ZNF257: variants seen among roughly 807,000 people sequenced by gnomAD.
ZNF257 encodes bone marrow zinc finger 4.
ZNF257 carries 12 observed loss-of-function variants against 11.9 expected under a neutral mutation model. The ratio of observed to expected loss-of-function variants is 1.01; its 90% confidence interval spans 0.65 to 1.63. The LOEUF is 1.63. Ranked by LOEUF, ZNF257 falls within the 40% of genes most tolerant of loss-of-function variation. The pLI, the probability that ZNF257 is intolerant of heterozygous loss-of-function variation, is 0.00. For missense variants in ZNF257, 580 were observed against 665.5 expected, an observed-to-expected ratio of 0.87 and a Z score of 1.41; for synonymous variants, 183 against 222.7, an observed-to-expected ratio of 0.82 and a Z score of 1.59.
chr19:22,086,497 T>A (rs772957577), intron 3 of ZNF257, among the ~76,000 whole-genome samples: 28 of 152,018 alleles, frequency 1.8e-4, no homozygotes, highest in Non-Finnish European at 3.4e-4. Context: ...TGTGTATGTA[T>A]GTTTCCCAGG....
rs1044012561 is a variant in ZNF257 at position 22,080,853 on chromosome 19, C to T, written c.227-7124C>T. Among the ~76,000 whole-genome samples the T allele has an allele frequency of 2.7e-5, 4 of 148,802 alleles. No individual in the cohort carries two copies. In the East Asian group the frequency reaches 5.9e-4, roughly 22 times the overall value. On this transcript the variant is annotated intron_variant, in intron 3 of 3. Coordinates refer to ENST00000594947, the MANE Select transcript of ZNF257 (RefSeq NM_033468.4). ...AGCTAGATAAGTATTTTATTAAATA[C>T]ATTAATTATATTATATATCTATATA...
rs375816659 is a variant in ZNF257 at position 22,088,073 on chromosome 19, A to G, written c.323A>G (p.His108Arg). The change falls in exon 4 of 4, where the codon CAT (histidine) becomes CGT (arginine). Residue 108 changes from histidine to arginine, a missense_variant. His to Arg is a conservative substitution (Grantham distance 29). Transcript: ENST00000594947. ...CTGAGGAGATATGATAAATGTGAAC[A>G]TGAGAATTTACAATTAAGAAAGGGC... ...VILRRYDKCE[H>R]ENLQLRKGCK... is the part of the protein sequence containing the mutation. 25 of 1,607,794 alleles carry G rather than the reference A, an allele frequency of 1.6e-5. No homozygotes were observed. The highest frequency in any genetic ancestry group is 3.3e-5 in the South Asian group (3 of 90,380).
At chr19:22,087,530 G>A (rs766020826) in intron 3 of ZNF257, 1 of 1,226,524 alleles carries the variant, frequency 8.2e-7, no homozygotes, top group Non-Finnish European at 1.0e-6. Context: ...TTTTTTTTCA[G>A]CATTTTATTT....
In ZNF257 at chr19:22,052,502, G is replaced by C; in HGVS notation, c.-131G>C. ...GGCGGGTACTTTGTCTCTCGCTCTA[G>C]CCCGAGCTGCAGGTCTCGTCTTCCC... On this transcript the variant is annotated 5_prime_UTR_variant, in exon 1 of 4. Coordinates refer to ENST00000594947, the MANE Select transcript of ZNF257 (RefSeq NM_033468.4). 2 of 1,092,732 alleles carry C rather than the reference G, an allele frequency of 1.8e-6. No homozygotes were observed. Among genetic ancestry groups the C allele is most frequent in the Non-Finnish European group, 2.7e-6 (2 of 737,580 alleles). 67.7% of individuals were successfully genotyped at this position (1,092,732 alleles called of 1,614,324 possible). A position where few individuals can be genotyped will look rare whatever the true frequency, so the allele number is the denominator to read the frequency against.
chr19:22,085,656 A>G (rs1460194879), intron 3 of ZNF257, among the ~76,000 whole-genome samples: 4 of 151,686 alleles, frequency 2.6e-5, no homozygotes, highest in Non-Finnish European at 4.4e-5. Context: ...TACCTTACAT[A>G]TTTGGAACCC....
At chr19:22,085,663 A>G (rs1202686929) in intron 3 of ZNF257, among the ~76,000 whole-genome samples, 1 of 123,628 alleles carries the variant, frequency 8.1e-6, no homozygotes, top group Non-Finnish European at 1.8e-5. Flanking sequence ...CATATTTGGA[A>G]CCCTAATGTG....
chr19:22,052,970 G>A (rs933052206), intron 1 of ZNF257, among the ~76,000 whole-genome samples: 2 of 152,068 alleles, frequency 1.3e-5, no homozygotes, highest in African/African-American at 2.4e-5. Context: ...CGGGGTGCGG[G>A]GTTCATGAAT....
intron 1 of ZNF257, among the ~76,000 whole-genome samples, chr19:22,053,853 A>T (rs1263260382): frequency 6.6e-6 from 1 of 151,938 alleles, no homozygotes; most frequent in African/African-American, 2.4e-5. Context: ...TGAACCCAGG[A>T]GGTGGAGGTT....
At chr19:22,059,458 T>A (rs2021733236) in intron 1 of ZNF257, among the ~76,000 whole-genome samples, 1 of 151,990 alleles carries the variant, frequency 6.6e-6, no homozygotes, top group African/African-American at 2.4e-5. Context: ...CAGCTAATTT[T>A]TGTATTTTTG....
intron 1 of ZNF257, among the ~76,000 whole-genome samples, chr19:22,058,948 T>C (rs2021719268): frequency 6.6e-6 from 1 of 152,062 alleles, no homozygotes; most frequent in Admixed American, 6.6e-5. Context: ...TCCTGGCATA[T>C]CCTCACCCCT....
At chr19:22,085,902 T>C (rs1240827446) in intron 3 of ZNF257, among the ~76,000 whole-genome samples, 4 of 152,272 alleles carry the variant, frequency 2.6e-5, no homozygotes, top group Non-Finnish European at 5.9e-5. Context: ...TTGGATAAAA[T>C]GCCTACAGCA....
rs758667495 is a variant in ZNF257 at position 22,088,973 on chromosome 19, CTT to C, written c.1226_1227del (p.Phe409Ter). 1 of 1,611,546 alleles carries C rather than the reference CTT, an allele frequency of 6.2e-7. No homozygotes were observed. Among genetic ancestry groups the C allele is most frequent in the South Asian group, 1.1e-5 (1 of 90,938 alleles). On this transcript the variant is annotated frameshift_variant, in exon 4 of 4. Transcript: ENST00000594947. LOFTEE classifies it low-confidence loss of function (END_TRUNC). ...TACAAATGTGATGAATATTGCAAAG[CTT>C]TTAACTGGTCCTCAGCTCTTACTAC...
chr19:22,073,362 C>A, intron 2 of ZNF257, 107 bp from the exon 3 acceptor site: 1 of 1,241,426 alleles, frequency 8.1e-7, no homozygotes. Flanking sequence ...AGTATTTTGG[C>A]ATAAATGTAT....
chr19:22,063,057 G>A (rs2021844425), intron 1 of ZNF257, among the ~76,000 whole-genome samples: 1 of 152,098 alleles, frequency 6.6e-6, no homozygotes, highest in Non-Finnish European at 1.5e-5. Context: ...GTTTTCTTTT[G>A]TGTGGAGTCT....
rs1381820008 is a variant in ZNF257 at position 22,088,274 on chromosome 19, G to A, written c.524G>A (p.Cys175Tyr). The part of the protein sequence containing the change: ...IRHTEKKTCK[C>Y]KECGKSFCML... Reference sequence around the variant, plus strand: ...CATACTGAAAAGAAAACTTGCAAATGTAAAGAATGTGGCAAATCATTTTGC... The same window carrying A: ...CATACTGAAAAGAAAACTTGCAAATATAAAGAATGTGGCAAATCATTTTGC... Residue 175 changes from cysteine (C) to tyrosine (Y), a missense_variant, in exon 4 of 4, where the codon TGT (cysteine) becomes TAT (tyrosine). Coordinates refer to ENST00000594947, the MANE Select transcript of ZNF257 (RefSeq NM_033468.4). The A allele has an allele frequency of 6.2e-7, 1 of 1,613,520 alleles. No individual in the cohort carries two copies. The highest frequency in any genetic ancestry group is 1.7e-5 in the Admixed American group (1 of 59,926).
intron 1 of ZNF257, among the ~76,000 whole-genome samples, chr19:22,062,746 G>A (rs1396188349): frequency 6.6e-6 from 1 of 152,116 alleles, no homozygotes; most frequent in Non-Finnish European, 1.5e-5. Flanking sequence ...CCTCCAAAGA[G>A]CTATTACAGG....
chr19:22,075,983 A>G (rs2022215377), intron 3 of ZNF257: 1 of 151,992 alleles, frequency 6.6e-6, no homozygotes, highest in South Asian at 2.1e-4. Flanking sequence ...CCCTTTCTAT[A>G]AGTTTTTAAT....
At chr19:22,076,800 T>A (rs1364251243) in intron 3 of ZNF257, among the ~76,000 whole-genome samples, 1 of 152,154 alleles carries the variant, frequency 6.6e-6, no homozygotes, top group Non-Finnish European at 1.5e-5. Context: ...GCCATTCTCC[T>A]GCCTCAGCCT....
chr19:22,078,008 G>T (rs766814973), intron 3 of ZNF257, among the ~76,000 whole-genome samples: 1 of 151,666 alleles, frequency 6.6e-6, no homozygotes, highest in African/African-American at 2.4e-5. Context: ...GGGAGGCCAA[G>T]GTGGGCGGAT....
Sources: allele counts gnomAD v4.1 joint callset (sites outside exome capture counted in the v4.1 genomes callset), GRCh38; gene constraint gnomAD v4.1.1; transcripts MANE v1.5; gene names NCBI Gene and HGNC (gene_info 2026-07-23, HGNC 2026-07-21).